Variants in PZP observed in about 807,000 individuals in gnomAD.
PZP encodes PZP alpha-2-macroglobulin like, also known as pregnancy zone protein.
Under a neutral mutation model 179.8 loss-of-function variants are expected in PZP, and 150 were observed. That is an observed-to-expected ratio of 0.83 (90% confidence interval 0.73 to 0.96). The LOEUF (loss-of-function observed/expected upper bound fraction) is 0.96. PZP is among the 40% of genes least tolerant of loss of function. The pLI, the probability that PZP is intolerant of heterozygous loss-of-function variation, is 0.00. For missense variants in PZP, 1,689 were observed against 1,764.0 expected (o/e 0.96, Z 0.76); for synonymous variants, 624 against 652.3 (o/e 0.96, Z 0.66).
In PZP at chr12:9,199,253, A is replaced by C. The variant is rs764900670; in HGVS notation, c.755+1111T>G. Among the ~76,000 whole-genome samples, 22 of 152,294 alleles carry C rather than the reference A, an allele frequency of 1.4e-4. 1 individual carries two copies. Among genetic ancestry groups the C allele is most frequent in the Middle Eastern group, 3.4e-3 (1 of 294 alleles). On this transcript the variant is annotated intron_variant, in intron 7 of 35. Transcript: ENST00000261336. ...GTTTAAGTCACTTCTATAAAATCCT[A>C]ATCATTGGCTTTTGCCCAGTAATTG...
At chr12:9,138,353 A>G in the PZP span, among the ~76,000 whole-genome samples, 1 of 152,058 alleles carries the variant, frequency 6.6e-6, no homozygotes, top group African/African-American at 2.4e-5. Context: ...CTGGGAATAA[A>G]TACTACTTGG....
At position 9,153,118 on chromosome 12, in the gene PZP, G is replaced by T; in HGVS notation, c.3993+7C>A. ...TGACTCTCACCCATATAAGCTTGGA[G>T]CCCTACCTGAAGATACACACATCTT... On this transcript the variant is annotated splice_region_variant and intron_variant, in intron 30 of 35. Coordinates refer to ENST00000261336, the MANE Select transcript of PZP (RefSeq NM_002864.3). The T allele has an allele frequency of 1.2e-6, 2 of 1,613,528 alleles. No individual in the cohort carries two copies. The highest frequency in any genetic ancestry group is 1.7e-6 in the Non-Finnish European group (2 of 1,179,498).
Position 9,192,502 on chromosome 12 carries a change from T to C in PZP, c.1482+10A>G. 4 of 1,606,418 alleles carry C rather than the reference T, an allele frequency of 2.5e-6. No individual in the cohort carries two copies. Among genetic ancestry groups the C allele is most frequent in the Non-Finnish European group, 3.4e-6 (4 of 1,173,250 alleles). ...TAAGCTGCAATTGTATTCCATGGCC[T>C]CATTCTTACCAGGTAATGGAAACTG... is the stretch of plus-strand genomic sequence containing the variant. On this transcript the variant is annotated intron_variant, in intron 12 of 35. Transcript: ENST00000261336.
chr12:9,153,144 TC>T lies in PZP; in HGVS notation c.3973del (p.Glu1325LysfsTer10), dbSNP rs746299315. On this transcript the variant is annotated frameshift_variant, in exon 30 of 36. Coordinates refer to ENST00000261336, the MANE Select transcript of PZP (RefSeq NM_002864.3). LOFTEE classifies it high-confidence loss of function. The stretch of plus-strand genomic sequence containing the variant: ...CCCTACCTGAAGATACACACATCTT[TC>T]CCCAGTTACTGTTATGACATATTCT... ...PGEYVITVTG[E>X]RCVYLQTSMK... 6.2e-7 allele frequency: 1 copy of T among 1,614,122 alleles called. No individual in the cohort carries two copies. Among genetic ancestry groups the T allele is most frequent in the Admixed American group, 1.7e-5 (1 of 60,022 alleles).
the PZP span, among the ~76,000 whole-genome samples, chr12:9,141,860 T>A: frequency 6.6e-6 from 1 of 152,356 alleles, no homozygotes; most frequent in African/African-American, 2.4e-5. Flanking sequence ...AAGGTCCGAC[T>A]TATTCCAGCA....
At position 9,170,240 on chromosome 12, in the gene PZP, C is replaced by T. The variant is rs1941897964; in HGVS notation, c.1840-649G>A. 1 of 152,142 alleles carries T rather than the reference C, an allele frequency of 6.6e-6. No individual in the cohort carries two copies. The highest frequency in any genetic ancestry group is 1.5e-5 in the Non-Finnish European group (1 of 68,052). 9.4% of individuals were successfully genotyped at this position (152,142 alleles called of 1,614,324 possible). On this transcript the variant is annotated intron_variant, in intron 15 of 35. Transcript: ENST00000261336. The surrounding 1 kb of genome is among the most constrained non-coding windows in gnomAD (Gnocchi z 4.6). Reference sequence around the variant, plus strand: ...GAAGCGGTGAGTGATTGTGCGACCTCGCCTGGGAAATCACATTTCTCCCAA... The same window carrying T: ...GAAGCGGTGAGTGATTGTGCGACCTTGCCTGGGAAATCACATTTCTCCCAA...
At chr12:9,177,020 T>C (rs888521954) in intron 15 of PZP, among the ~76,000 whole-genome samples, 1 of 152,236 alleles carries the variant, frequency 6.6e-6, no homozygotes, top group Non-Finnish European at 1.5e-5. Flanking sequence ...TGAGAGCTCA[T>C]GAATTGCTGG....
intron 16 of PZP, 112 bp downstream of exon 16, chr12:9,169,318 G>A: frequency 9.1e-7 from 1 of 1,095,140 alleles, no homozygotes; most frequent in Non-Finnish European, 1.3e-6. Context: ...TTTGTCTGCT[G>A]AAAAATGGAG....
At chr12:9,198,354 A>T (rs752699231) in intron 7 of PZP, among the ~76,000 whole-genome samples, 1 of 152,128 alleles carries the variant, frequency 6.6e-6, no homozygotes. Flanking sequence ...TACTAAAAAA[A>T]TGTTTCTTCC....
intron 13 of PZP, among the ~76,000 whole-genome samples, chr12:9,183,532 T>G (rs1172394687): frequency 6.6e-6 from 1 of 152,176 alleles, no homozygotes; most frequent in Non-Finnish European, 1.5e-5. Context: ...CCCCAGTAGC[T>G]GGGACTATAG....
chr12:9,162,906 A>T (rs1479233280), intron 21 of PZP, among the ~76,000 whole-genome samples: 2 of 152,114 alleles, frequency 1.3e-5, no homozygotes, highest in African/African-American at 4.8e-5. Flanking sequence ...TCCACTAGCT[A>T]TTCTTCCTGA....
rs750424406 is a variant in PZP at position 9,154,652 on chromosome 12, C to T, written c.3738G>A (p.Lys1246=). ...SATNIVKWIM[K]QQNAQGGFSS... Reference sequence around the variant, plus strand: ...AGAAACCACCTTGGGCGTTCTGCTGCTTCATGATCCACTTCACAATGTTAG... The same window carrying T: ...AGAAACCACCTTGGGCGTTCTGCTGTTTCATGATCCACTTCACAATGTTAG... Residue 1246 remains lysine, a synonymous_variant, in exon 29 of 36, where the codon AAG becomes AAA. Coordinates refer to ENST00000261336, the MANE Select transcript of PZP (RefSeq NM_002864.3). 6.2e-7 allele frequency: 1 copy of T among 1,614,194 alleles called. No individual in the cohort carries two copies. Among genetic ancestry groups the T allele is most frequent in the South Asian group, 1.1e-5 (1 of 91,082 alleles).
intron 25 of PZP, among the ~76,000 whole-genome samples, 176 bp from the exon 26 acceptor site, chr12:9,158,752 CTTTTCTTTTT>C (rs1940950724): frequency 1.0e-5 from 1 of 97,818 alleles, no homozygotes; most frequent in Non-Finnish European, 2.0e-5. Flanking sequence ...TTTTTCTTTT[CTTTTCTTTTT>C]TTTTTTTTTT....
chr12:9,189,552 T>G (rs1270185212), intron 13 of PZP, among the ~76,000 whole-genome samples: 4 of 152,186 alleles, frequency 2.6e-5, no homozygotes, highest in African/African-American at 9.7e-5. Flanking sequence ...GAAGACAACC[T>G]AGGCAATACC....
intron 15 of PZP, among the ~76,000 whole-genome samples, chr12:9,178,619 A>G (rs897586536): frequency 6.6e-6 from 1 of 152,202 alleles, no homozygotes; most frequent in Admixed American, 6.5e-5. Flanking sequence ...AAAGAAAATC[A>G]TGCTTGTTTT....
intron 1 of PZP, among the ~76,000 whole-genome samples, chr12:9,206,878 C>T (rs1041475710): frequency 6.6e-6 from 1 of 152,136 alleles, no homozygotes; most frequent in Non-Finnish European, 1.5e-5. Context: ...ATGTTTCTGA[C>T]CCAATACACG....
At chr12:9,159,797 A>G in intron 25 of PZP, 141 bp downstream of exon 25, 1 of 740,498 alleles carries the variant, frequency 1.4e-6, no homozygotes, top group Non-Finnish European at 2.1e-6. Flanking sequence ...CTTCATAGCT[A>G]TAAGAAATAA....
At chr12:9,179,550 A>C (rs1459694439) in intron 15 of PZP, among the ~76,000 whole-genome samples, 4 of 152,212 alleles carry the variant, frequency 2.6e-5, no homozygotes, top group Non-Finnish European at 5.9e-5. Flanking sequence ...AAAAGTAGAA[A>C]ATAATTTGTA....
Position 9,204,086 on chromosome 12 carries a change from G to A in PZP, c.84-135C>T. The A allele has an allele frequency of 6.6e-6, 6 of 913,804 alleles. No individual in the cohort carries two copies. The Admixed American group carries it at 8.7e-5, about 13-fold the overall frequency. The allele number at this position is 913,804 out of a possible 1,614,324, so 56.6% of individuals were successfully genotyped here. ...CTAAAAGTCAATGGACTAAGTCAAT[G>A]GAGGTTCTGTCACAGATCAGCACAA... is the stretch of plus-strand genomic sequence containing the variant. On this transcript the variant is annotated intron_variant, in intron 1 of 35. Coordinates refer to ENST00000261336, the MANE Select transcript of PZP (RefSeq NM_002864.3).
Sources: allele counts gnomAD v4.1 joint callset (sites outside exome capture counted in the v4.1 genomes callset), GRCh38; gene constraint gnomAD v4.1.1; non-coding constraint Gnocchi (gnomAD v3.1); transcripts MANE v1.5; gene names NCBI Gene and HGNC (gene_info 2026-07-23, HGNC 2026-07-21).